NAV1: variants seen among roughly 807,000 people sequenced by gnomAD.
The protein encoded by NAV1 is pore membrane and/or filament interacting like protein 3.
Under a neutral mutation model 175.2 loss-of-function variants are expected in NAV1, and 18 were observed. The ratio of observed to expected loss-of-function variants is 0.10; its 90% CI spans 0.07 to 0.15. NAV1 has a LOEUF of 0.15. Ranked by LOEUF, NAV1 falls within the 10% of genes least tolerant of loss-of-function variation. The pLI is 1.00. For synonymous variants in NAV1, 897 were observed against 978.7 expected (o/e 0.92, Z 1.56); for missense variants, 1,731 against 2,436.6 (o/e 0.71, Z 6.10).
At chr1:201,574,079 G>A (rs969038593) in intron 1 of NAV1, among the ~76,000 whole-genome samples, 6 of 151,648 alleles carry the variant, frequency 4.0e-5, no homozygotes, top group Admixed American at 2.6e-4. Flanking sequence ...AAAAAAGAAC[G>A]AGTCTAAATA....
At chr1:201,641,725 G>A (rs1272523345) in intron 2 of NAV1, among the ~76,000 whole-genome samples, 1 of 152,198 alleles carries the variant, frequency 6.6e-6, no homozygotes, top group Non-Finnish European at 1.5e-5. Flanking sequence ...GGTCCAGAGT[G>A]AGTGGGCTAG....
chr1:201,608,801 G>A (rs1482287564), intron 2 of NAV1, among the ~76,000 whole-genome samples: 2 of 152,176 alleles, frequency 1.3e-5, no homozygotes, highest in Admixed American at 6.5e-5. Flanking sequence ...CTCTCCCTCC[G>A]TGCGTGACTA....
At chr1:201,717,986 A>G (rs1672208780) in intron 2 of NAV1, among the ~76,000 whole-genome samples, 1 of 152,148 alleles carries the variant, frequency 6.6e-6, no homozygotes, top group Non-Finnish European at 1.5e-5. Flanking sequence ...CTGTCTGTAC[A>G]TATGTGATCC....
chr1:201,794,741 G>T (rs1168624122), intron 15 of NAV1, 164 bp downstream of exon 19: 1 of 665,132 alleles, frequency 1.5e-6, no homozygotes, highest in Non-Finnish European at 2.6e-6. Context: ...TCAGTGAGGA[G>T]TACCAGGGGC....
At position 201,812,426 on chromosome 1, in the gene NAV1, T is replaced by A; in HGVS notation, c.5025-39T>A. The A allele has an allele frequency of 6.2e-7, 1 of 1,602,936 alleles. No homozygotes were observed. The highest frequency in any genetic ancestry group is 8.5e-7 in the Non-Finnish European group (1 of 1,171,560). Reference sequence around the variant, plus strand: ...GGGCTGAACCCTGACAATGTCCCCATTGCCACTCTGACCCCACTTTCCCCA... The same window carrying A: ...GGGCTGAACCCTGACAATGTCCCCAATGCCACTCTGACCCCACTTTCCCCA... On this transcript the variant is annotated intron_variant, in intron 26 of 29. Transcript: ENST00000367296. This position sits in a 1 kb window ranked among gnomAD's most constrained non-coding sequence, Gnocchi z 4.6.
intron 1 of NAV1, among the ~76,000 whole-genome samples, chr1:201,576,404 A>G (rs1244468370): frequency 6.6e-6 from 1 of 152,158 alleles, no homozygotes; most frequent in Non-Finnish European, 1.5e-5. Context: ...TTAATCATTC[A>G]TTATTGAAAG....
intron 1 of NAV1, among the ~76,000 whole-genome samples, chr1:201,562,563 C>T (rs1179961255): frequency 6.6e-6 from 1 of 152,184 alleles, no homozygotes; most frequent in Admixed American, 6.5e-5. Flanking sequence ...GGGCAGTGGT[C>T]CTTTGCCTTG....
At chr1:201,666,449 G>A (rs778641193) in intron 1 of NAV1, among the ~76,000 whole-genome samples, 3 of 152,202 alleles carry the variant, frequency 2.0e-5, no homozygotes, top group Non-Finnish European at 2.9e-5. Context: ...GATGGTTTAT[G>A]AGGGCGGTCG....
intron 2 of NAV1, among the ~76,000 whole-genome samples, chr1:201,604,344 C>T (rs1460598263): frequency 6.6e-6 from 1 of 152,178 alleles, no homozygotes; most frequent in Non-Finnish European, 1.5e-5. Context: ...GTGTGAGCCA[C>T]CGTGCCTGGC....
intron 1 of NAV1, among the ~76,000 whole-genome samples, chr1:201,567,290 T>C (rs1420223599): frequency 6.6e-6 from 1 of 152,192 alleles, no homozygotes; most frequent in African/African-American, 2.4e-5. Flanking sequence ...GTTGCCTCTG[T>C]TGTTTTTTCT....
At chr1:201,722,214 C>T (rs1339243433) in intron 3 of NAV1, among the ~76,000 whole-genome samples, 1 of 152,198 alleles carries the variant, frequency 6.6e-6, no homozygotes, top group Non-Finnish European at 1.5e-5. Flanking sequence ...AGAATTCTGT[C>T]TTCTCCCCAA....
At chr1:201,744,129 C>T (rs958472999) in intron 3 of NAV1, among the ~76,000 whole-genome samples, 2 of 152,062 alleles carry the variant, frequency 1.3e-5, no homozygotes, top group Non-Finnish European at 2.9e-5. Context: ...GTGATCCACC[C>T]GCCTCGTCCT....
At chr1:201,733,960 G>A (rs551469204) in intron 3 of NAV1, among the ~76,000 whole-genome samples, 2 of 152,298 alleles carry the variant, frequency 1.3e-5, no homozygotes, top group South Asian at 4.1e-4. Context: ...TTTGCAAAGG[G>A]TCTGTCTGGC....
At chr1:201,592,004 G>A (rs1240586628) in intron 2 of NAV1, among the ~76,000 whole-genome samples, 1 of 152,104 alleles carries the variant, frequency 6.6e-6, no homozygotes, top group Non-Finnish European at 1.5e-5. Context: ...TCTTTGATGA[G>A]GCAGCCTGTG....
intron 1 of NAV1, among the ~76,000 whole-genome samples, chr1:201,709,784 C>T (rs1313064151): frequency 6.6e-6 from 1 of 152,214 alleles, no homozygotes; most frequent in East Asian, 1.9e-4. Context: ...ACCTCCTCCC[C>T]TGTATGCCCC....
intron 1 of NAV1, among the ~76,000 whole-genome samples, chr1:201,689,390 T>G (rs1486849886): frequency 6.6e-6 from 1 of 152,188 alleles, no homozygotes; most frequent in Non-Finnish European, 1.5e-5. Context: ...TATTCTCTCT[T>G]AAATCATGTC....
At position 201,793,752 on chromosome 1, in the gene NAV1, C is replaced by G. The variant is rs367882074; in HGVS notation, c.3322-40C>G. The stretch of plus-strand genomic sequence containing the variant: ...TTGTCAGTTATTGCCTTTCCCCCAG[C>G]CTTATGCAACTTAGCAATCTCTTTC... On this transcript the variant is annotated intron_variant, in intron 13 of 29. Coordinates refer to ENST00000367296, the Ensembl canonical transcript of NAV1. The G allele has an allele frequency of 1.4e-4, 221 of 1,576,332 alleles. 2 individuals are homozygous for G. Among genetic ancestry groups the G allele is most frequent in the South Asian group, 4.1e-4 (36 of 88,368 alleles).
chr1:201,764,907 C>G (rs897875681), intron 3 of NAV1, among the ~76,000 whole-genome samples: 25 of 152,242 alleles, frequency 1.6e-4, no homozygotes, highest in African/African-American at 6.0e-4. Context: ...CACAGAAATG[C>G]ATGGCTTTAT....
At position 201,789,025 on chromosome 1, in the gene NAV1, T is replaced by G. The variant is rs1676945792; in HGVS notation, c.3166+387T>G. 2.0e-5 allele frequency among the ~76,000 whole-genome samples: 3 copies of G among 152,326 alleles called. No individual in the cohort carries two copies. The South Asian group carries it at 6.2e-4, about 32-fold the overall frequency. The stretch of plus-strand genomic sequence containing the variant: ...AACAGGACATAATAGTAGCTCTTAA[T>G]AAATCCTTACAAATAATTAGGCATC... On this transcript the variant is annotated intron_variant, in intron 10 of 29. Coordinates refer to ENST00000367296, the Ensembl canonical transcript of NAV1.
Sources: allele counts gnomAD v4.1 joint callset (sites outside exome capture counted in the v4.1 genomes callset), GRCh38; gene constraint gnomAD v4.1.1; non-coding constraint Gnocchi (gnomAD v3.1); transcripts MANE v1.5; gene names NCBI Gene and HGNC (gene_info 2026-07-23, HGNC 2026-07-21).